Variants in GEMIN5 observed in about 807,000 individuals in gnomAD.
GEMIN5 encodes the protein gem nuclear organelle associated protein 5, also known as gem-associated protein 5.
A neutral mutation model predicts 176.9 loss-of-function variants in GEMIN5; 124 were observed. The observed-to-expected ratio is 0.70, with a 90% CI of 0.61 to 0.81. GEMIN5 has a LOEUF of 0.81. Among genes scored for constraint, GEMIN5 ranks in the 40% least tolerant of loss-of-function variants. GEMIN5 has a pLI of 0.00. For missense variants in GEMIN5, 1,843 were observed against 1,814.6 expected, an observed-to-expected ratio of 1.02 and a Z score of -0.28; for synonymous variants, 673 against 665.2, an observed-to-expected ratio of 1.01 and a Z score of -0.18.
chr5:154,911,764 C>T lies in GEMIN5; in HGVS notation c.2130G>A (p.Trp710Ter), dbSNP rs1206634547. The change falls in exon 15 of 28, where the codon TGG (tryptophan) becomes TGA (stop). Residue 710 changes from tryptophan (W) to a stop codon, truncating the protein, a stop_gained. Coordinates refer to ENST00000285873, the MANE Select transcript of GEMIN5 (RefSeq NM_015465.5). LOFTEE classifies it high-confidence loss of function. Reference protein sequence around the residue: ...SGADDFCVHKWLTSMQDHSRP... With the variant: ...SGADDFCVHK The stretch of plus-strand genomic sequence containing the variant: ...GGGAATGATCTTGCATGGAAGTGAG[C>T]CACTTGTGCACACAAAAGTCATCTG... 6.2e-7 allele frequency: 1 copy of T among 1,613,794 alleles called. No individual in the cohort carries two copies. Among genetic ancestry groups the T allele is most frequent in the Non-Finnish European group, 8.5e-7 (1 of 1,179,812 alleles).
rs1350267673 is a variant in GEMIN5 at position 154,903,113 on chromosome 5, T to C, written c.2695A>G (p.Arg899Gly). ...TCAATCATTCTATACAGGGTAGCCC[T>C]GTCTGTGAAAAGCCCCAGATGAAAT... Reference protein sequence around the residue: ...ERFHLGLFTDRATLYRMIDIE... With the variant: ...ERFHLGLFTDGATLYRMIDIE... Residue 899 changes from arginine (R) to glycine (G), a missense_variant, in exon 19 of 28, where the codon AGG becomes GGG. Arg to Gly is a moderately radical substitution (Grantham distance 125, BLOSUM62 -2). Transcript: ENST00000285873. 1.2e-6 allele frequency: 2 copies of C among 1,609,698 alleles called. No homozygotes were observed. The highest frequency in any genetic ancestry group is 1.7e-6 in the Non-Finnish European group (2 of 1,176,140).
chr5:154,901,075 C>T (rs1420126755), intron 21 of GEMIN5, among the ~76,000 whole-genome samples: 1 of 152,098 alleles, frequency 6.6e-6, no homozygotes, highest in Non-Finnish European at 1.5e-5. Flanking sequence ...CCTGTAATCC[C>T]AGCACTTTGG....
At chr5:154,918,559 T>C (rs1286769579) in intron 11 of GEMIN5, among the ~76,000 whole-genome samples, 2 of 151,718 alleles carry the variant, frequency 1.3e-5, no homozygotes, top group African/African-American at 4.9e-5. Flanking sequence ...CATGAACCTC[T>C]GATCCACACA....
At position 154,891,541 on chromosome 5, in the gene GEMIN5, G is replaced by A. The variant is rs1294201951; in HGVS notation, c.3962C>T (p.Ala1321Val). Residue 1321 changes from alanine to valine, a missense_variant, in exon 26 of 28, where the codon GCC becomes GTC. By Grantham distance (64) the Ala-to-Val change is moderately conservative. Transcript: ENST00000285873. Reference sequence around the variant, plus strand: ...TTCAGGGTCCGTTTCTTCAGTGCTGGCAGTGTCTAACTGCTGGCTTGGCTC... The same window carrying A: ...TTCAGGGTCCGTTTCTTCAGTGCTGACAGTGTCTAACTGCTGGCTTGGCTC... ...SVEPSQQLDT[A>V]STEETDPETS... The A allele has an allele frequency of 2.5e-6, 4 of 1,614,036 alleles. No homozygotes were observed. Among genetic ancestry groups the A allele is most frequent in the African/African-American group, 2.7e-5 (2 of 74,906 alleles).
chr5:154,916,415 A>C (rs760496324), intron 13 of GEMIN5, among the ~76,000 whole-genome samples: 1 of 152,186 alleles, frequency 6.6e-6, no homozygotes, highest in Non-Finnish European at 1.5e-5. Flanking sequence ...TGACTTTATA[A>C]AATCTAGAGA....
chr5:154,925,819 G>T, intron 8 of GEMIN5, 43 bp downstream of exon 8: 2 of 1,010,886 alleles, frequency 2.0e-6, no homozygotes, highest in South Asian at 1.5e-5. Context: ...GAATTATTTG[G>T]AAAAAAAAAA....
Position 154,889,416 on chromosome 5 carries a change from T to C in GEMIN5, c.4264A>G (p.Lys1422Glu). The change falls in exon 27 of 28, where the codon AAA becomes GAA. Residue 1422 changes from lysine to glutamate, a missense_variant and splice_region_variant. Coordinates refer to ENST00000285873, the MANE Select transcript of GEMIN5 (RefSeq NM_015465.5). ...QPLCSSQSQC[K>E]EEKNEPLSLP... is the part of the protein sequence containing the mutation. ...GAAAGTGGCTCATTTTTTTCTTCTT[T>C]ACTAGTGAAAAAAATAAAAGGTGTA... The C allele has an allele frequency of 6.3e-7, 1 of 1,581,986 alleles. No individual in the cohort carries two copies. The highest frequency in any genetic ancestry group is 8.7e-7 in the Non-Finnish European group (1 of 1,151,600).
rs1763223747 is a variant in GEMIN5 at position 154,891,421 on chromosome 5, G to C, written c.4082C>G (p.Ser1361Ter). 1.9e-6 allele frequency: 3 copies of C among 1,614,126 alleles called. No homozygotes were observed. The highest frequency in any genetic ancestry group is 2.5e-6 in the Non-Finnish European group (3 of 1,180,018). ...GTTTTGGAGACTGGCATGCTTTTCT[G>C]AAAAGAGCTCCTTAAAAGTACTCAG... ...RMLSTFKELFSEKHASLQNSQ... is the reference protein window; with the variant it reads ...RMLSTFKELF Residue 1361 changes from serine to a stop codon, truncating the protein, a stop_gained, in exon 26 of 28, where the codon TCA becomes TGA. Coordinates refer to ENST00000285873, the MANE Select transcript of GEMIN5 (RefSeq NM_015465.5). LOFTEE classifies it high-confidence loss of function.
intron 19 of GEMIN5, among the ~76,000 whole-genome samples, 188 bp from the exon 20 acceptor site, chr5:154,902,864 C>A (rs564522486): frequency 2.6e-5 from 4 of 152,338 alleles, no homozygotes; most frequent in South Asian, 2.1e-4. Flanking sequence ...CACTCCCACA[C>A]CTTCACATGT....
At chr5:154,899,533 G>A (rs1020124590) in intron 21 of GEMIN5, among the ~76,000 whole-genome samples, 1 of 152,006 alleles carries the variant, frequency 6.6e-6, no homozygotes, top group African/African-American at 2.4e-5. Context: ...TGGATTCCTA[G>A]GGGGTCCTCA....
intron 13 of GEMIN5, among the ~76,000 whole-genome samples, chr5:154,916,647 C>T (rs985584739): frequency 2.0e-5 from 3 of 151,948 alleles, no homozygotes; most frequent in African/African-American, 4.8e-5. Flanking sequence ...ACCTCTAACC[C>T]GGCAAATTTG....
rs1763144160 is a variant in GEMIN5, at chr5:154,887,990, T to G, written c.*220A>C. The stretch of plus-strand genomic sequence containing the variant: ...CTGAATAACTACTGTGGGCTTTTCA[T>G]GATCTTCCCTCCAGTAGGAGACCAC... On this transcript the variant is annotated 3_prime_UTR_variant, in exon 28 of 28. Coordinates refer to ENST00000285873, the MANE Select transcript of GEMIN5 (RefSeq NM_015465.5). 7 of 526,268 alleles carry G rather than the reference T, an allele frequency of 1.3e-5. No homozygotes were observed. The highest frequency in any genetic ancestry group is 5.1e-4 in the Middle Eastern group (1 of 1,950). The allele number at this position is 526,268 out of a possible 1,614,324, so 32.6% of individuals were successfully genotyped here.
At chr5:154,908,283 C>A (rs542616249) in intron 15 of GEMIN5, among the ~76,000 whole-genome samples, 1 of 145,434 alleles carries the variant, frequency 6.9e-6, no homozygotes, top group African/African-American at 2.5e-5. Flanking sequence ...CAGGTTCAAG[C>A]GATTCTCCTG....
chr5:154,912,965 G>T lies in GEMIN5; in HGVS notation c.1929C>A (p.Thr643=), dbSNP rs759042909. The change falls in exon 14 of 28, where the codon ACC becomes ACA. Residue 643 remains threonine, a synonymous_variant. Coordinates refer to ENST00000285873, the MANE Select transcript of GEMIN5 (RefSeq NM_015465.5). ...CATGATGTGGGCTCCACGCCACACT[G>T]GTAATCTTGGCCGTATGCCCTGAGA... ...RTLSGHTAKI[T]SVAWSPHHDG... The T allele has an allele frequency of 6.2e-7, 1 of 1,613,420 alleles. No homozygotes were observed. Among genetic ancestry groups the T allele is most frequent in the African/African-American group, 1.3e-5 (1 of 75,052 alleles).
At chr5:154,911,647 T>G in intron 15 of GEMIN5, 80 bp downstream of exon 15, 1 of 1,251,182 alleles carries the variant, frequency 8.0e-7, no homozygotes, top group African/African-American at 1.5e-5. Context: ...TACACGAATG[T>G]CTTCCTTGCT....
At chr5:154,936,122 A>G (rs1764263554) in intron 2 of GEMIN5, 100 bp from the exon 3 acceptor site, 1 of 763,180 alleles carries the variant, frequency 1.3e-6, no homozygotes, top group African/African-American at 1.8e-5. Flanking sequence ...TACACATTAA[A>G]AGTAATTAAT....
intron 11 of GEMIN5, among the ~76,000 whole-genome samples, chr5:154,919,516 T>C (rs1763878494): frequency 2.0e-5 from 3 of 152,232 alleles, no homozygotes; most frequent in African/African-American, 7.2e-5. Context: ...AGAATCATTT[T>C]ACTAGAAAAT....
intron 24 of GEMIN5, among the ~76,000 whole-genome samples, chr5:154,895,873 A>T (rs945292041): frequency 6.6e-6 from 1 of 152,110 alleles, no homozygotes; most frequent in Non-Finnish European, 1.5e-5. Flanking sequence ...CAAACAACTA[A>T]AAAAAACAAA....
At position 154,911,873 on chromosome 5, in the gene GEMIN5, G is replaced by A. The variant is rs1389614902; in HGVS notation, c.2021C>T (p.Pro674Leu). 6.2e-7 allele frequency: 1 copy of A among 1,613,984 alleles called. No homozygotes were observed. The highest frequency in any genetic ancestry group is 2.2e-5 in the East Asian group (1 of 44,878). ...AQVWDALREE[P>L]LCNFRGHRGR... The stretch of plus-strand genomic sequence containing the variant: ...TCGATGTCCTCGGAAATTGCACAGG[G>A]GCTCTTCCCGGAGAGCATCCCACAC... The change falls in exon 15 of 28, where the codon CCC (proline) becomes CTC (leucine). Residue 674 changes from proline to leucine, a missense_variant. Physicochemically the swap from Pro to Leu is moderately conservative, Grantham distance 98. Coordinates refer to ENST00000285873, the MANE Select transcript of GEMIN5 (RefSeq NM_015465.5).
Sources: gnomAD v4.1 joint callset for allele counts (sites outside exome capture counted in the v4.1 genomes callset) on GRCh38, gnomAD v4.1.1 for gene constraint, MANE v1.5 for transcripts, NCBI Gene and HGNC (gene_info 2026-07-23, HGNC 2026-07-21) for gene names.